The following STK3 variants were observed in gnomAD, a reference collection of about 807,000 sequenced individuals.
The protein encoded by STK3 is serine/threonine-protein kinase 3.
STK3 carries 41 observed loss-of-function variants against 58.0 expected under a neutral mutation model. The ratio of observed to expected loss-of-function variants is 0.71; its 90% CI spans 0.55 to 0.92. The LOEUF (loss-of-function observed/expected upper bound fraction) is 0.92, where lower values mean the gene tolerates loss of function less well. STK3 is among the 40% of genes least tolerant of loss of function. The pLI, the probability that STK3 is intolerant of heterozygous loss-of-function variation, is 0.00. For missense variants in STK3, 479 were observed against 602.7 expected (o/e 0.79, Z 2.15); for synonymous variants, 170 against 191.0 (o/e 0.89, Z 0.91).
intron 9 of STK3, among the ~76,000 whole-genome samples, chr8:98,532,728 TA>T (rs1041696651): frequency 3.9e-5 from 6 of 152,132 alleles, no homozygotes; most frequent in Admixed American, 6.5e-5. Flanking sequence ...TTTACCACAA[TA>T]AAAAAAATTT....
At chr8:98,423,371 A>C (rs1818194121) in intron 3 of STK3, among the ~76,000 whole-genome samples, 1 of 152,246 alleles carries the variant, frequency 6.6e-6, no homozygotes, top group Non-Finnish European at 1.5e-5. Context: ...GTGGTAGTGC[A>C]GAGGCCCTGC....
chr8:98,588,530 C>T (rs991758140), intron 7 of STK3, among the ~76,000 whole-genome samples: 3 of 151,944 alleles, frequency 2.0e-5, no homozygotes, highest in Non-Finnish European at 4.4e-5. Context: ...CTGCCCTTAA[C>T]ATTTTTTCCT....
intron 10 of STK3, 47 bp from the exon 11 acceptor site, chr8:98,456,047 A>G (rs185522046): frequency 6.6e-7 from 1 of 1,524,784 alleles, no homozygotes; most frequent in East Asian, 2.3e-5. Context: ...TATCCACATT[A>G]TCCACAATCA....
At chr8:98,473,126 T>G (rs1156330745) in intron 10 of STK3, among the ~76,000 whole-genome samples, 1 of 152,156 alleles carries the variant, frequency 6.6e-6, no homozygotes, top group Non-Finnish European at 1.5e-5. Context: ...TGAAATTCAG[T>G]TATTATTTTT....
chr8:98,865,886 G>A (rs551956273), intron 3 of STK3, among the ~76,000 whole-genome samples: 37 of 152,324 alleles, frequency 2.4e-4, no homozygotes, highest in African/African-American at 8.7e-4. Context: ...AAGGCCTGTC[G>A]CCTGCCCACA....
At chr8:98,870,069 C>T (rs945755274) in intron 3 of STK3, among the ~76,000 whole-genome samples, 2 of 152,046 alleles carry the variant, frequency 1.3e-5, no homozygotes, top group Admixed American at 1.3e-4. Context: ...TGTTCGATTC[C>T]CACCTATGAG....
upstream of STK3, among the ~76,000 whole-genome samples, chr8:98,827,359 G>C (rs1238692494): frequency 6.6e-6 from 1 of 152,102 alleles, no homozygotes; most frequent in Non-Finnish European, 1.5e-5. Context: ...GAAAGAAATT[G>C]TCAAGATGTA....
At chr8:98,628,672 T>C (rs1818924550) in intron 6 of STK3, among the ~76,000 whole-genome samples, 1 of 151,898 alleles carries the variant, frequency 6.6e-6, no homozygotes, top group Admixed American at 6.6e-5. Context: ...CCTAGTGGTA[T>C]GTGCCTATGT....
chr8:98,729,785 G>C (rs898367777), intron 4 of STK3, among the ~76,000 whole-genome samples: 3 of 152,220 alleles, frequency 2.0e-5, no homozygotes, highest in Admixed American at 1.3e-4. Context: ...TCACAGAGAA[G>C]TTTAAAAACT....
chr8:98,648,954 G>A (rs139609451), intron 6 of STK3, among the ~76,000 whole-genome samples: 1 of 151,590 alleles, frequency 6.6e-6, no homozygotes, highest in African/African-American at 2.4e-5. Context: ...CTACTTGGGA[G>A]GCTGAGGAAG....
the STK3 span, among the ~76,000 whole-genome samples, chr8:98,348,963 TA>T: frequency 2.6e-5 from 4 of 152,266 alleles, no homozygotes; most frequent in African/African-American, 7.2e-5. Context: ...ATGATGTTTA[TA>T]GCAGCTTTAT....
chr8:98,859,210 AT>A lies in STK3; in HGVS notation c.110+24436del, dbSNP rs1350221565. On this transcript the variant is annotated intron_variant, in intron 3 of 12. Coordinates refer to the STK3 transcript ENST00000523601. ...GGTAGTAGGGCAGAGACATTATTAA[AT>A]GGAGAAGTGTAAATTGTGGTATTTC... Among the ~76,000 whole-genome samples, 3 of 152,338 alleles carry A rather than the reference AT, an allele frequency of 2.0e-5. No individual in the cohort carries two copies. In the East Asian group the frequency reaches 5.8e-4, roughly 29 times the overall value.
chr8:98,911,341 T>C (rs1445400386), intron 1 of STK3, among the ~76,000 whole-genome samples: 1 of 152,210 alleles, frequency 6.6e-6, no homozygotes, highest in African/African-American at 2.4e-5. Context: ...ACAAAATTAC[T>C]AATGCAGCCA....
chr8:98,385,959 G>A (rs544074566), intron 1 of STK3, among the ~76,000 whole-genome samples: 1 of 152,140 alleles, frequency 6.6e-6, no homozygotes, highest in East Asian at 1.9e-4. Context: ...AATGAGCCAA[G>A]AGATGTGTTA....
In STK3 at chr8:98,442,017, C is replaced by T. The variant is rs577788451; in HGVS notation, n.186-4809G>A. 9.1e-4 allele frequency among the ~76,000 whole-genome samples: 139 copies of T among 152,202 alleles called. 1 individual carries two copies. The highest frequency in any genetic ancestry group is 1.1e-3 in the Non-Finnish European group (75 of 68,038). ...CAATTCTGGACTCATTCTCGCATCC[C>T]TAAAACCCACTCCTATTCCAATAAA... On this transcript the variant is annotated intron_variant and non_coding_transcript_variant, in intron 1 of 3. Coordinates refer to the STK3 transcript ENST00000517832.
intron 1 of STK3, among the ~76,000 whole-genome samples, chr8:98,381,310 AT>A (rs1817731179): frequency 1.3e-5 from 2 of 152,064 alleles, no homozygotes; most frequent in South Asian, 4.1e-4. Context: ...GTTGACCCAC[AT>A]TTTTACTCCA....
chr8:98,401,760 G>T (rs1817946273), intron 3 of STK3, among the ~76,000 whole-genome samples: 2 of 152,076 alleles, frequency 1.3e-5, no homozygotes, highest in Non-Finnish European at 2.9e-5. Context: ...CTCCTCTCAG[G>T]TTGCTCTGGG....
intron 6 of STK3, among the ~76,000 whole-genome samples, chr8:98,637,421 G>T (rs1319323745): frequency 1.2e-4 from 19 of 152,088 alleles, no homozygotes. Flanking sequence ...AAAGAAAAAA[G>T]GAAGAAACGA....
At chr8:98,519,860 T>C (rs535370450) in intron 10 of STK3, among the ~76,000 whole-genome samples, 27 of 152,276 alleles carry the variant, frequency 1.8e-4, no homozygotes, top group Admixed American at 1.2e-3. Flanking sequence ...CTATTCAGTA[T>C]GAGTCACAAC....
Sources: allele counts gnomAD v4.1 joint callset (sites outside exome capture counted in the v4.1 genomes callset), GRCh38; gene constraint gnomAD v4.1.1; transcripts MANE v1.5; gene names NCBI Gene and HGNC (gene_info 2026-07-23, HGNC 2026-07-21).